The following SYT9 variants were observed in gnomAD, a reference collection of about 807,000 sequenced individuals.
SYT9 encodes synaptotagmin-9.
In SYT9, 22 loss-of-function variants were observed where a neutral mutation model predicts 48.4. The ratio of observed to expected loss-of-function variants is 0.45; its 90% CI spans 0.32 to 0.65. The LOEUF (loss-of-function observed/expected upper bound fraction) is 0.65, where lower values mean the gene tolerates loss of function less well. Among genes scored for constraint, SYT9 ranks in the 30% least tolerant of loss-of-function variants. The pLI, the probability that SYT9 is intolerant of heterozygous loss-of-function variation, is 0.03. For missense variants in SYT9, 577 were observed against 622.0 expected (o/e 0.93, Z 0.77); for synonymous variants, 265 against 245.0 (o/e 1.08, Z -0.76).
chr11:7,357,331 A>G (rs1231784559), intron 3 of SYT9, among the ~76,000 whole-genome samples: 1 of 152,206 alleles, frequency 6.6e-6, no homozygotes, highest in African/African-American at 2.4e-5. Context: ...ATATCATCTT[A>G]CCTTGATAGA....
intron 3 of SYT9, among the ~76,000 whole-genome samples, chr11:7,321,943 A>G (rs1351806192): frequency 6.6e-6 from 1 of 152,124 alleles, no homozygotes; most frequent in Non-Finnish European, 1.5e-5. Context: ...ACTAGGGATC[A>G]CTTTCCTTGC....
In SYT9 at chr11:7,461,347, A is replaced by T. The variant is rs915574334; in HGVS notation, c.1468-5445A>T. 4 of 152,062 alleles carry T rather than the reference A, an allele frequency of 2.6e-5. No homozygotes were observed. The East Asian group carries it at 7.7e-4, about 29-fold the overall frequency. The allele number at this position is 152,062 out of a possible 1,614,324, so 9.4% of individuals were successfully genotyped here. A position where few individuals can be genotyped will look rare whatever the true frequency, so the allele number is the denominator to read the frequency against. ...TGACCACACTGAGCCCTTCAAGAATAGAATGTGCATTATTTATCTTTGTGT... is the reference window on the plus strand; with the variant it reads ...TGACCACACTGAGCCCTTCAAGAATTGAATGTGCATTATTTATCTTTGTGT... On this transcript the variant is annotated intron_variant, in intron 6 of 6. Coordinates refer to ENST00000318881, the MANE Select transcript of SYT9 (RefSeq NM_175733.4).
chr11:7,312,283 G>A (rs1437605582), intron 2 of SYT9, among the ~76,000 whole-genome samples: 1 of 152,140 alleles, frequency 6.6e-6, no homozygotes, highest in African/African-American at 2.4e-5. Context: ...TTATTTCATT[G>A]TCTGAAGAAA....
At chr11:7,347,983 C>T (rs1302007709) in intron 3 of SYT9, among the ~76,000 whole-genome samples, 1 of 152,194 alleles carries the variant, frequency 6.6e-6, no homozygotes, top group Admixed American at 6.5e-5. Flanking sequence ...CATTTATTTC[C>T]CTCTGTTCCT....
chr11:7,463,580 AAT>A, intron 6 of SYT9, among the ~76,000 whole-genome samples: 1 of 152,240 alleles, frequency 6.6e-6, no homozygotes, highest in Middle Eastern at 3.4e-3. Flanking sequence ...CTTTCCCTAG[AAT>A]AAGTTTGTTT....
chr11:7,244,356 T>C (rs2119724605), intron 1 of SYT9, among the ~76,000 whole-genome samples: 1 of 152,262 alleles, frequency 6.6e-6, no homozygotes, highest in African/African-American at 2.4e-5. Context: ...AACACACACA[T>C]GGGCAAAATA....
intron 1 of SYT9, among the ~76,000 whole-genome samples, chr11:7,292,219 T>G (rs1848707693): frequency 6.6e-6 from 1 of 152,010 alleles, no homozygotes; most frequent in African/African-American, 2.4e-5. Flanking sequence ...AGATGAGAGG[T>G]TAAAACATGA....
At chr11:7,366,692 A>T (rs1850249909) in intron 3 of SYT9, among the ~76,000 whole-genome samples, 1 of 152,138 alleles carries the variant, frequency 6.6e-6, no homozygotes. Context: ...TTATGCTGTG[A>T]TATAAATCCA....
chr11:7,390,159 A>G (rs1372386146), intron 3 of SYT9, among the ~76,000 whole-genome samples: 1 of 151,900 alleles, frequency 6.6e-6, no homozygotes, highest in African/African-American at 2.4e-5. Flanking sequence ...AACAGGCCCC[A>G]GTGTGTGATG....
At chr11:7,459,864 C>T (rs1848209213) in intron 6 of SYT9, among the ~76,000 whole-genome samples, 1 of 152,134 alleles carries the variant, frequency 6.6e-6, no homozygotes, top group South Asian at 2.1e-4. Context: ...TAGGAAGAGG[C>T]AGGGAAGACT....
At chr11:7,279,098 G>T (rs929467118) in intron 1 of SYT9, among the ~76,000 whole-genome samples, 2 of 152,196 alleles carry the variant, frequency 1.3e-5, no homozygotes, top group African/African-American at 4.8e-5. Flanking sequence ...AGCAGATAAA[G>T]TTGGGGAGCT....
At chr11:7,309,210 A>G (rs137869467) in intron 2 of SYT9, among the ~76,000 whole-genome samples, 12 of 152,072 alleles carry the variant, frequency 7.9e-5, no homozygotes, top group Middle Eastern at 3.4e-3. Flanking sequence ...ACCCAGAGAG[A>G]GAATGGGAGG....
At chr11:7,380,488 T>G (rs1024715870) in intron 3 of SYT9, among the ~76,000 whole-genome samples, 1 of 152,130 alleles carries the variant, frequency 6.6e-6, no homozygotes, top group African/African-American at 2.4e-5. Context: ...AGGGGATGGA[T>G]ACCTCATTTT....
intron 1 of SYT9, among the ~76,000 whole-genome samples, chr11:7,242,804 T>C (rs1847752575): frequency 1.3e-5 from 2 of 152,088 alleles, no homozygotes; most frequent in African/African-American, 2.4e-5. Flanking sequence ...CCCAGCACTT[T>C]GGAGGCTAAG....
intron 6 of SYT9, among the ~76,000 whole-genome samples, chr11:7,432,582 A>AATATAT (rs1847619609): frequency 5.7e-4 from 2 of 3,508 alleles, no homozygotes; most frequent in African/African-American, 9.7e-4. Flanking sequence ...AAAAAAAAAA[A>AATATAT]ATATATATAC....
intron 1 of SYT9, among the ~76,000 whole-genome samples, chr11:7,255,682 T>G (rs900814713): frequency 6.6e-6 from 1 of 152,148 alleles, no homozygotes; most frequent in African/African-American, 2.4e-5. Context: ...TTCAAAGGCT[T>G]TTTGACCTAA....
chr11:7,263,564 A>C (rs768549757), intron 1 of SYT9, among the ~76,000 whole-genome samples: 6 of 152,206 alleles, frequency 3.9e-5, no homozygotes, highest in Non-Finnish European at 7.4e-5. Context: ...GGAACCAATA[A>C]GGAGACTGAG....
chr11:7,280,428 G>GT (rs1177913217), intron 1 of SYT9, among the ~76,000 whole-genome samples: 1 of 152,230 alleles, frequency 6.6e-6, no homozygotes, highest in Non-Finnish European at 1.5e-5. Context: ...TCAGATAATA[G>GT]TTTTTTAATA....
Position 7,252,207 on chromosome 11 carries a change from G to A in SYT9, c.21G>A (p.Ala7=). 1.4e-6 allele frequency: 2 copies of A among 1,473,334 alleles called. No individual in the cohort carries two copies. Among genetic ancestry groups the A allele is most frequent in the East Asian group, 3.0e-5 (1 of 33,636 alleles). 91.3% of individuals were successfully genotyped at this position (1,473,334 alleles called of 1,614,324 possible). The change falls in exon 1 of 7, where the codon GCG becomes GCA. Residue 7 remains alanine, a synonymous_variant. Transcript: ENST00000318881. This position sits in a 1 kb window ranked among gnomAD's most constrained non-coding sequence, Gnocchi z 6.3. ...GGGCGATGCCCGGGGCCAGGGACGC[G>A]CTCTGTCACCAGGCGCTGCAGCTGC... The part of the protein sequence containing the change: MPGARD[A]LCHQALQLLA...
Sources: gnomAD v4.1 joint callset for allele counts (sites outside exome capture counted in the v4.1 genomes callset) on GRCh38, gnomAD v4.1.1 for gene constraint, Gnocchi (gnomAD v3.1) non-coding constraint, MANE v1.5 for transcripts, NCBI Gene and HGNC (gene_info 2026-07-23, HGNC 2026-07-21) for gene names.